Variants in MYO5A observed in about 807,000 individuals in gnomAD.
MYO5A encodes unconventional myosin-Va.
Under a neutral mutation model 249.7 loss-of-function variants are expected in MYO5A, and 98 were observed. The ratio of observed to expected loss-of-function variants is 0.39; its 90% CI spans 0.33 to 0.46. The LOEUF (loss-of-function observed/expected upper bound fraction) is 0.46, where lower values mean the gene tolerates loss of function less well. MYO5A is among the 20% of genes least tolerant of loss of function. The probability of loss-of-function intolerance (pLI) is 0.98; values close to 1 mark genes in which losing one functional copy is unlikely to be tolerated. For synonymous variants in MYO5A, 778 were observed against 810.6 expected, an observed-to-expected ratio of 0.96 and a Z score of 0.68; for missense variants, 1,696 against 2,308.8, an observed-to-expected ratio of 0.73 and a Z score of 5.44.
At chr15:52,516,013 G>A (rs2077488599) in intron 1 of MYO5A, among the ~76,000 whole-genome samples, 1 of 152,166 alleles carries the variant, frequency 6.6e-6, no homozygotes, top group Non-Finnish European at 1.5e-5. Context: ...ACTATTCTAA[G>A]CATTTCTTAA....
Position 52,507,803 on chromosome 15 carries a change from C to CAAAAAAAAA in MYO5A, c.27+20976_27+20977insTTTTTTTTT, listed in dbSNP as rs146846192. Among the ~76,000 whole-genome samples the CAAAAAAAAA allele has an allele frequency of 8.9e-3, 1,133 of 126,700 alleles. 66 individuals carry two copies. The highest frequency in any genetic ancestry group is 0.035 in the African/African-American group (1,075 of 31,038). The allele number at this position is 126,700 out of a possible 152,430, so 83.1% of individuals were successfully genotyped here. A position where few individuals can be genotyped will look rare whatever the true frequency, so the allele number is the denominator to read the frequency against. On this transcript the variant is annotated intron_variant, in intron 1 of 41. Coordinates refer to ENST00000399233, the MANE Select transcript of MYO5A (RefSeq NM_001382347.1). ...TGAGCAACAGAATGAGACCCTGTCC[C>CAAAAAAAAA]CAAAAAAAAAAAAAAAAAGTGTAAT...
chr15:52,421,304 T>C (rs1027508806), intron 4 of MYO5A, among the ~76,000 whole-genome samples: 1 of 152,142 alleles, frequency 6.6e-6, no homozygotes, highest in African/African-American at 2.4e-5. Flanking sequence ...AGGAAGGGCC[T>C]GGTAATAAAT....
At position 52,342,901 on chromosome 15, in the gene MYO5A, G is replaced by GT. The variant is rs145259093; in HGVS notation, c.4040+215dup. Among the ~76,000 whole-genome samples the GT allele has an allele frequency of 0.032, 4,849 of 151,502 alleles. 280 individuals are homozygous for GT. The highest frequency in any genetic ancestry group is 0.11 in the African/African-American group (4,595 of 41,158). On this transcript the variant is annotated intron_variant, in intron 31 of 41. Transcript: ENST00000399233. ...ACTGCACTCCAGCCTAGGCAACAGA[G>GT]TGAGACTCCGTCTAAAAAAGAAAAA...
At position 52,330,351 on chromosome 15, in the gene MYO5A, G is replaced by C; in HGVS notation, c.4555+2C>G. ...CTTTTATCCAATGCAGAAAATACTT[G>C]CCCAGAATCAGGTTCTTAACAAGTT... is the stretch of plus-strand genomic sequence containing the variant. On this transcript the variant is annotated splice_donor_variant, in intron 35 of 41. Coordinates refer to ENST00000399233, the MANE Select transcript of MYO5A (RefSeq NM_001382347.1). LOFTEE classifies it high-confidence loss of function. The C allele has an allele frequency of 6.2e-7, 1 of 1,613,986 alleles. No homozygotes were observed. Among genetic ancestry groups the C allele is most frequent in the South Asian group, 1.1e-5 (1 of 91,074 alleles).
At chr15:52,369,864 A>G (rs1362674352) in intron 22 of MYO5A, among the ~76,000 whole-genome samples, 1 of 131,642 alleles carries the variant, frequency 7.6e-6, no homozygotes, top group African/African-American at 2.9e-5. Flanking sequence ...TATGCCCCAG[A>G]CTGACTTTTT....
intron 14 of MYO5A, 120 bp from the exon 15 acceptor site, chr15:52,384,442 G>C (rs968285474): frequency 9.9e-7 from 1 of 1,011,718 alleles, no homozygotes; most frequent in Non-Finnish European, 1.5e-6. Flanking sequence ...TCACACTCCA[G>C]AAAGAGTCAG....
chr15:52,468,376 G>A (rs1470250588), intron 1 of MYO5A, among the ~76,000 whole-genome samples: 1 of 152,186 alleles, frequency 6.6e-6, no homozygotes. Context: ...TACAGTATTA[G>A]GCCAGGTACA....
intron 1 of MYO5A, among the ~76,000 whole-genome samples, chr15:52,490,629 T>C (rs1429470747): frequency 1.3e-5 from 2 of 151,338 alleles, no homozygotes; most frequent in Admixed American, 1.3e-4. Context: ...CTAGAGGGAG[T>C]GGGGAATAGG....
chr15:52,429,329 G>A (rs921814122), intron 2 of MYO5A, among the ~76,000 whole-genome samples: 3 of 152,090 alleles, frequency 2.0e-5, no homozygotes, highest in Non-Finnish European at 2.9e-5. Context: ...CAAGGCGGGC[G>A]GATTACCTGA....
intron 2 of MYO5A, among the ~76,000 whole-genome samples, chr15:52,429,770 T>C (rs140104289): frequency 6.0e-4 from 92 of 152,248 alleles, no homozygotes; most frequent in African/African-American, 2.1e-3. Context: ...ACAAGTACTA[T>C]TCAGTTAATT....
chr15:52,466,231 A>G (rs1443779535), intron 1 of MYO5A, among the ~76,000 whole-genome samples: 1 of 152,182 alleles, frequency 6.6e-6, no homozygotes, highest in Non-Finnish European at 1.5e-5. Context: ...CCACAGCAGC[A>G]GCAGTCTTTG....
chr15:52,466,741 C>T (rs1252978778), intron 1 of MYO5A, among the ~76,000 whole-genome samples: 3 of 152,160 alleles, frequency 2.0e-5, no homozygotes, highest in Non-Finnish European at 4.4e-5. Flanking sequence ...AGCTCCATTC[C>T]AGCTTTGCCC....
intron 37 of MYO5A, among the ~76,000 whole-genome samples, chr15:52,321,819 G>T (rs971051667): frequency 1.1e-3 from 143 of 136,040 alleles, no homozygotes; most frequent in African/African-American, 4.0e-3. Context: ...AAAAAAAATA[G>T]AGTGTTTCAC....
intron 4 of MYO5A, among the ~76,000 whole-genome samples, chr15:52,419,164 T>C (rs1018464871): frequency 3.9e-5 from 6 of 152,240 alleles, no homozygotes; most frequent in Non-Finnish European, 5.9e-5. Context: ...TGTACCTTGA[T>C]GAAGTGTACA....
chr15:52,508,686 G>A (rs149257332), intron 1 of MYO5A, among the ~76,000 whole-genome samples: 3 of 151,950 alleles, frequency 2.0e-5, no homozygotes, highest in African/African-American at 7.2e-5. Context: ...ACACACATGT[G>A]GTTAATTATA....
intron 1 of MYO5A, among the ~76,000 whole-genome samples, chr15:52,464,756 A>G (rs980627909): frequency 1.3e-5 from 2 of 152,352 alleles, no homozygotes; most frequent in Middle Eastern, 6.8e-3. Context: ...GATTCATCAC[A>G]GGCTTTTAAG....
At chr15:52,446,441 A>C (rs1339072818) in intron 1 of MYO5A, among the ~76,000 whole-genome samples, 1 of 152,276 alleles carries the variant, frequency 6.6e-6, no homozygotes, top group Non-Finnish European at 1.5e-5. Context: ...TGTATGAGAA[A>C]GCCTGGGTGC....
chr15:52,428,300 T>C (rs2075442223), intron 3 of MYO5A, 98 bp downstream of exon 3: 2 of 1,311,020 alleles, frequency 1.5e-6, no homozygotes, highest in Admixed American at 1.7e-5. Flanking sequence ...TTAGAGAAAA[T>C]CCAACCACAG....
chr15:52,374,082 T>C (rs1351695782), intron 20 of MYO5A, among the ~76,000 whole-genome samples: 1 of 152,172 alleles, frequency 6.6e-6, no homozygotes, highest in East Asian at 1.9e-4. Context: ...AGCTCTAATA[T>C]CCAGGCTTGT....
Sources: gnomAD v4.1 joint callset for allele counts (sites outside exome capture counted in the v4.1 genomes callset) on GRCh38, gnomAD v4.1.1 for gene constraint, MANE v1.5 for transcripts, NCBI Gene and HGNC (gene_info 2026-07-23, HGNC 2026-07-21) for gene names.